Variants in MMRN1 observed in about 807,000 individuals in gnomAD.
The protein encoded by MMRN1 is multimerin 1.
MMRN1 carries 94 observed loss-of-function variants against 100.7 expected under a neutral mutation model. That is an observed-to-expected ratio of 0.93 (90% CI 0.79 to 1.11). MMRN1 has a LOEUF of 1.11. Among genes scored for constraint, MMRN1 ranks in the 50% least tolerant of loss-of-function variants. The pLI is 0.00. For missense variants in MMRN1, 1,606 were observed against 1,439.1 expected, an observed-to-expected ratio of 1.12 and a Z score of -1.88; for synonymous variants, 575 against 505.0, an observed-to-expected ratio of 1.14 and a Z score of -1.86.
chr4:89,924,767 C>T (rs1361573668), intron 4 of MMRN1, among the ~76,000 whole-genome samples: 1 of 152,070 alleles, frequency 6.6e-6, no homozygotes, highest in African/African-American at 2.4e-5. Context: ...TCGCTTGAAC[C>T]CGGGAGGCAG....
At chr4:89,901,734 A>G (rs906293167) in intron 1 of MMRN1, among the ~76,000 whole-genome samples, 10 of 152,154 alleles carry the variant, frequency 6.6e-5, no homozygotes, top group Non-Finnish European at 1.3e-4. Flanking sequence ...ACTTTTACCC[A>G]TTAATCACAT....
At chr4:89,921,544 T>C (rs188735245) in intron 3 of MMRN1, among the ~76,000 whole-genome samples, 1 of 152,266 alleles carries the variant, frequency 6.6e-6, no homozygotes, top group Non-Finnish European at 1.5e-5. Context: ...TACACTATAA[T>C]AACCTTATTG....
chr4:89,944,304 C>A (rs1308786609), intron 6 of MMRN1, among the ~76,000 whole-genome samples: 2 of 152,098 alleles, frequency 1.3e-5, no homozygotes, highest in African/African-American at 4.8e-5. Flanking sequence ...AAAGCCCATG[C>A]ACATTTTGAA....
upstream of MMRN1, among the ~76,000 whole-genome samples, chr4:89,892,378 G>T (rs1400384101): frequency 6.6e-6 from 1 of 151,210 alleles, no homozygotes; most frequent in African/African-American, 2.4e-5. Context: ...TTAGTATCTA[G>T]TATCTAGTAT....
chr4:89,938,476 C>CATATATATATATAT (rs372673572), intron 6 of MMRN1, among the ~76,000 whole-genome samples: 14 of 123,570 alleles, frequency 1.1e-4, no homozygotes, highest in African/African-American at 2.7e-4. Context: ...ATTTTTTAAA[C>CATATATATATATAT]ATATATATAT....
At chr4:89,908,468 G>T (rs1275914482) in intron 1 of MMRN1, among the ~76,000 whole-genome samples, 2 of 151,270 alleles carry the variant, frequency 1.3e-5, no homozygotes, top group Admixed American at 1.3e-4. Flanking sequence ...ATTAATTTGA[G>T]GAAAATTGAC....
intron 6 of MMRN1, among the ~76,000 whole-genome samples, chr4:89,943,620 C>T (rs1037507677): frequency 2.0e-5 from 3 of 152,074 alleles, no homozygotes; most frequent in South Asian, 2.1e-4. Flanking sequence ...ACAAATATTA[C>T]GTAAGTCCTA....
intron 1 of MMRN1, among the ~76,000 whole-genome samples, chr4:89,889,058 T>G (rs1041717270): frequency 1.3e-5 from 2 of 152,142 alleles, no homozygotes; most frequent in Non-Finnish European, 2.9e-5. Flanking sequence ...GAGAAGGACA[T>G]TCTTATTCTG....
intron 4 of MMRN1, among the ~76,000 whole-genome samples, chr4:89,925,136 ATTAT>A (rs941055413): frequency 6.6e-6 from 1 of 150,880 alleles, no homozygotes; most frequent in African/African-American, 2.4e-5. Flanking sequence ...ATTCTTTTTT[ATTAT>A]TTATTTATTT....
In MMRN1 at chr4:89,895,351, C is replaced by A. The variant is rs1721164078; in HGVS notation, c.380C>A (p.Pro127His). Residue 127 changes from proline to histidine, a missense_variant, in exon 1 of 8, where the codon CCT becomes CAT. Physicochemically the swap from Pro to His is moderately conservative, Grantham distance 77 (BLOSUM62 -2). Transcript: ENST00000264790. Reference protein sequence around the residue: ...LPTNASIKFNPGAESVVLSNS... With the variant: ...LPTNASIKFNHGAESVVLSNS... ...ACCAACGCTAGCATCAAGTTCAATC[C>A]TGGAGCAGAATCAGTGGTCCTTTCC... 6.2e-7 allele frequency: 1 copy of A among 1,613,762 alleles called. No homozygotes were observed. Among genetic ancestry groups the A allele is most frequent in the Admixed American group, 1.7e-5 (1 of 59,970 alleles).
At chr4:89,950,591 G>T (rs1479298748) in intron 6 of MMRN1, among the ~76,000 whole-genome samples, 1 of 152,028 alleles carries the variant, frequency 6.6e-6, no homozygotes, top group East Asian at 1.9e-4. Context: ...TAGTAATGAG[G>T]TTGCATATGC....
chr4:89,914,979 T>C (rs1164750414), intron 3 of MMRN1, among the ~76,000 whole-genome samples: 1 of 151,614 alleles, frequency 6.6e-6, no homozygotes, highest in Non-Finnish European at 1.5e-5. Flanking sequence ...AGGTATCTTA[T>C]AACATTCTGT....
chr4:89,891,964 G>T (rs1178325048), upstream of MMRN1, among the ~76,000 whole-genome samples: 1 of 151,682 alleles, frequency 6.6e-6, no homozygotes, highest in African/African-American at 2.4e-5. Context: ...CATCTACAGT[G>T]AACTCCTCAA....
chr4:89,910,932 G>T (rs185082400), intron 2 of MMRN1, among the ~76,000 whole-genome samples: 1 of 151,290 alleles, frequency 6.6e-6, no homozygotes, highest in African/African-American at 2.4e-5. Flanking sequence ...CCATATAGTT[G>T]TACGTGGCAA....
At chr4:89,934,174 G>A (rs955034378) in intron 5 of MMRN1, among the ~76,000 whole-genome samples, 1 of 151,870 alleles carries the variant, frequency 6.6e-6, no homozygotes, top group Non-Finnish European at 1.5e-5. Flanking sequence ...ATAATAATAT[G>A]TCAGGTGTAT....
chr4:89,938,508 TATA>T (rs1722721832), intron 6 of MMRN1, among the ~76,000 whole-genome samples: 1 of 82,406 alleles, frequency 1.2e-5, no homozygotes, highest in Non-Finnish European at 2.5e-5. Context: ...TATATATATA[TATA>T]TTTAAAATAT....
At chr4:89,914,932 T>G (rs553847706) in intron 3 of MMRN1, among the ~76,000 whole-genome samples, 1 of 151,510 alleles carries the variant, frequency 6.6e-6, no homozygotes, top group African/African-American at 2.4e-5. Context: ...TTTTTAAAAA[T>G]CCAGTGGCTT....
intron 1 of MMRN1, among the ~76,000 whole-genome samples, chr4:89,888,281 C>T (rs1321896919): frequency 1.3e-5 from 2 of 151,772 alleles, no homozygotes; most frequent in Non-Finnish European, 2.9e-5. Flanking sequence ...TTTATTTCCC[C>T]TTTACTTTTG....
rs189633360 is a variant in MMRN1 at position 89,939,084 on chromosome 4, G to A, written c.3118+2286G>A. On this transcript the variant is annotated intron_variant, in intron 6 of 7. Coordinates refer to ENST00000264790, the MANE Select transcript of MMRN1 (RefSeq NM_007351.3). ...GTCTATGAAAGATGATGAAACCAGTGGACTCAGGCTAAGTTCTCCTGTAAG... is the reference window on the plus strand; with the variant it reads ...GTCTATGAAAGATGATGAAACCAGTAGACTCAGGCTAAGTTCTCCTGTAAG... Among the ~76,000 whole-genome samples the A allele has an allele frequency of 1.1e-4, 17 of 152,114 alleles. No individual in the cohort carries two copies. The East Asian group carries it at 3.3e-3, about 29-fold the overall frequency.
Sources: allele counts gnomAD v4.1 joint callset (sites outside exome capture counted in the v4.1 genomes callset), GRCh38; gene constraint gnomAD v4.1.1; transcripts MANE v1.5; gene names NCBI Gene and HGNC (gene_info 2026-07-23, HGNC 2026-07-21).